POU6F2: variants seen among roughly 807,000 people sequenced by gnomAD.
POU6F2 encodes the protein POU class 6 homeobox 2.
A neutral mutation model predicts 71.3 loss-of-function variants in POU6F2; 31 were observed. That is an observed-to-expected ratio of 0.43 (90% CI 0.33 to 0.59). POU6F2 has a LOEUF of 0.59. Among genes scored for constraint, POU6F2 ranks in the 20% least tolerant of loss-of-function variants. POU6F2 has a pLI of 0.04. For missense variants in POU6F2, 783 were observed against 856.8 expected, an observed-to-expected ratio of 0.91 and a Z score of 1.07; for synonymous variants, 347 against 355.7, an observed-to-expected ratio of 0.98 and a Z score of 0.27.
rs1370374622 is a variant in POU6F2, at chr7:39,160,871, G to A, written c.278-43364G>A. ...TTTGTCAGTGACTTGCTAAGTGAGA[G>A]CATTACCTTTTTTTGGGTGCCTCTT... On this transcript the variant is annotated intron_variant, in intron 2 of 9. Transcript: ENST00000518318. Among the ~76,000 whole-genome samples, 4 of 152,116 alleles carry A rather than the reference G, an allele frequency of 2.6e-5. 1 individual carries two copies. The highest frequency in any genetic ancestry group is 9.7e-5 in the African/African-American group (4 of 41,430).
intron 7 of POU6F2, among the ~76,000 whole-genome samples, chr7:39,433,967 T>G (rs1788169666): frequency 1.3e-5 from 2 of 152,192 alleles, no homozygotes; most frequent in African/African-American, 2.4e-5. Context: ...AGATGCTTTC[T>G]GATTTTAGGG....
chr7:39,291,953 T>C (rs1784765577), intron 4 of POU6F2, among the ~76,000 whole-genome samples: 1 of 151,894 alleles, frequency 6.6e-6, no homozygotes, highest in African/African-American at 2.4e-5. Flanking sequence ...TACCTTTTTT[T>C]TTTTTTTTAA....
intron 1 of POU6F2, among the ~76,000 whole-genome samples, chr7:39,059,621 G>A (rs748365646): frequency 1.3e-5 from 2 of 152,070 alleles, no homozygotes; most frequent in Admixed American, 6.6e-5. Context: ...CAGTTTGACA[G>A]TTCCTCAAAA....
chr7:39,209,747 C>T (rs138278518), intron 4 of POU6F2, among the ~76,000 whole-genome samples: 207 of 152,268 alleles, frequency 1.4e-3, no homozygotes, highest in African/African-American at 4.7e-3. Flanking sequence ...CACCTTTAGG[C>T]GACCTATTGC....
At chr7:39,409,038 T>C (rs1293385239) in intron 6 of POU6F2, among the ~76,000 whole-genome samples, 1 of 152,230 alleles carries the variant, frequency 6.6e-6, no homozygotes, top group African/African-American at 2.4e-5. Context: ...TATGTTAATG[T>C]GGCACAAAAG....
intron 4 of POU6F2, among the ~76,000 whole-genome samples, chr7:39,293,053 G>A (rs1784790452): frequency 2.0e-5 from 3 of 152,036 alleles, no homozygotes; most frequent in South Asian, 2.1e-4. Flanking sequence ...TAGTGATTGC[G>A]TGAAAAGCCA....
At chr7:39,461,495 G>C (rs1788949062) in intron 9 of POU6F2, among the ~76,000 whole-genome samples, 1 of 152,132 alleles carries the variant, frequency 6.6e-6, no homozygotes, top group African/African-American at 2.4e-5. Context: ...AATACCTTAT[G>C]AGTCCTCCTC....
intron 4 of POU6F2, among the ~76,000 whole-genome samples, chr7:39,279,360 G>A (rs532857040): frequency 6.6e-6 from 1 of 152,274 alleles, no homozygotes; most frequent in South Asian, 2.1e-4. Flanking sequence ...TTTTGATTCA[G>A]TCCTTACCTT....
intron 1 of POU6F2, 200 bp from the exon 2 acceptor site, chr7:39,085,660 C>T: frequency 4.1e-6 from 2 of 491,492 alleles, no homozygotes; most frequent in South Asian, 5.4e-5. Flanking sequence ...TAATGGAGAA[C>T]TCATCGGATC....
At chr7:39,133,906 G>A (rs565533644) in intron 2 of POU6F2, among the ~76,000 whole-genome samples, 16 of 151,902 alleles carry the variant, frequency 1.1e-4, no homozygotes, top group Admixed American at 5.9e-4. Context: ...AGACCGTCTC[G>A]CCCCATTGCT....
intron 4 of POU6F2, among the ~76,000 whole-genome samples, chr7:39,301,426 C>T (rs768252797): frequency 1.2e-4 from 18 of 152,198 alleles, no homozygotes; most frequent in Non-Finnish European, 2.2e-4. Context: ...CATTGTAGCT[C>T]GTTGTCATCC....
chr7:39,090,541 T>A (rs990843941), intron 2 of POU6F2, among the ~76,000 whole-genome samples: 3 of 152,134 alleles, frequency 2.0e-5, no homozygotes, highest in Non-Finnish European at 4.4e-5. Flanking sequence ...TCTCCAGGCT[T>A]CAGTACCTTG....
intron 1 of POU6F2, among the ~76,000 whole-genome samples, chr7:39,023,533 G>C (rs934118361): frequency 1.3e-5 from 2 of 151,984 alleles, no homozygotes; most frequent in African/African-American, 4.8e-5. Context: ...ATAATGTACA[G>C]GACAGTCTCC....
chr7:39,291,870 A>G (rs1229641730), intron 4 of POU6F2, among the ~76,000 whole-genome samples: 4 of 152,108 alleles, frequency 2.6e-5, no homozygotes, highest in Non-Finnish European at 5.9e-5. Flanking sequence ...TTGACAATCA[A>G]TCTTACCTGC....
chr7:39,204,499 A>G (rs533295968), intron 3 of POU6F2, among the ~76,000 whole-genome samples, 173 bp downstream of exon 3: 1 of 152,306 alleles, frequency 6.6e-6, no homozygotes, highest in African/African-American at 2.4e-5. Context: ...TACCACCAAG[A>G]AAATATGTGT....
chr7:38,980,390 G>A (rs897332212), intron 1 of POU6F2, among the ~76,000 whole-genome samples: 1 of 152,144 alleles, frequency 6.6e-6, no homozygotes, highest in Admixed American at 6.5e-5. Context: ...AAGTCAGAAA[G>A]TCTATATTGA....
intron 1 of POU6F2, among the ~76,000 whole-genome samples, chr7:38,983,742 T>C (rs182486542): frequency 6.6e-6 from 1 of 152,276 alleles, no homozygotes; most frequent in Non-Finnish European, 1.5e-5. Flanking sequence ...TTGTGTTATT[T>C]TTCCACACCC....
At chr7:39,396,417 T>C (rs929216172) in intron 5 of POU6F2, among the ~76,000 whole-genome samples, 1 of 152,120 alleles carries the variant, frequency 6.6e-6, no homozygotes, top group African/African-American at 2.4e-5. Context: ...GCTCCCAAGC[T>C]CCCTAGGTGC....
intron 5 of POU6F2, among the ~76,000 whole-genome samples, chr7:39,390,927 A>C (rs1021824395): frequency 6.6e-6 from 1 of 152,094 alleles, no homozygotes; most frequent in African/African-American, 2.4e-5. Context: ...CAAGAGGTAG[A>C]TGCTTCATGC....
Sources: allele counts gnomAD v4.1 joint callset (sites outside exome capture counted in the v4.1 genomes callset), GRCh38; gene constraint gnomAD v4.1.1; transcripts MANE v1.5; gene names NCBI Gene and HGNC (gene_info 2026-07-23, HGNC 2026-07-21).